Variants in APC observed in about 807,000 individuals in gnomAD.
APC encodes adenomatous polyposis coli protein.
Under a neutral mutation model 247.0 loss-of-function variants are expected in APC, and 72 were observed. The ratio of observed to expected loss-of-function variants is 0.29; its 90% CI spans 0.24 to 0.35. APC has a LOEUF of 0.35. Among genes scored for constraint, APC ranks in the 10% least tolerant of loss-of-function variants. The probability of loss-of-function intolerance (pLI) is 1.00; values close to 1 mark genes in which losing one functional copy is unlikely to be tolerated. For missense variants in APC, 3,400 were observed against 3,360.7 expected, an observed-to-expected ratio of 1.01 and a Z score of -0.29; for synonymous variants, 1,254 against 1,162.5, an observed-to-expected ratio of 1.08 and a Z score of -1.60.
chr5:112,784,136 C>T (rs570908044), intron 6 of APC, among the ~76,000 whole-genome samples: 3 of 152,214 alleles, frequency 2.0e-5, no homozygotes, highest in African/African-American at 7.2e-5. Context: ...GGTTTGATTT[C>T]GCCTTACTGC....
intron 14 of APC, among the ~76,000 whole-genome samples, chr5:112,833,512 T>C (rs764563700): frequency 2.6e-5 from 4 of 151,992 alleles, no homozygotes; most frequent in Non-Finnish European, 2.9e-5. Context: ...TTTGTAGAGA[T>C]TGGGTATTGC....
chr5:112,799,414 T>G (rs1408646911), intron 7 of APC, among the ~76,000 whole-genome samples: 5 of 151,924 alleles, frequency 3.3e-5, no homozygotes, highest in Non-Finnish European at 7.4e-5. Flanking sequence ...CCACTCCCCA[T>G]ATCCTGTCAG....
rs1257395642 is a variant in APC, at chr5:112,766,860, T to C, written c.221-329T>C. Reference sequence around the variant, plus strand: ...TTTTAAAAGGATATCTTTCTCATTCTGTTGCTTGAAAATTCCAGTGTCAGA... The same window carrying C: ...TTTTAAAAGGATATCTTTCTCATTCCGTTGCTTGAAAATTCCAGTGTCAGA... On this transcript the variant is annotated intron_variant, in intron 3 of 15. Transcript: ENST00000257430. Among the ~76,000 whole-genome samples the C allele has an allele frequency of 2.0e-5, 3 of 152,358 alleles. No individual in the cohort carries two copies. The Middle Eastern group carries it at 0.01, about 518-fold the overall frequency.
intron 1 of APC, among the ~76,000 whole-genome samples, chr5:112,739,387 T>C (rs573030186): frequency 3.9e-5 from 6 of 152,358 alleles, no homozygotes; most frequent in African/African-American, 1.4e-4. Flanking sequence ...ATAATGTTTA[T>C]GTAATAGAAA....
Position 112,788,509 on chromosome 5 carries a change from A to C in APC, c.646-3937A>C, listed in dbSNP as rs183645704. ...GTTTTCTTGTCAGTACAATACAGAT[A>C]GTGATAAACTGTAAAATGTGAGGAT... On this transcript the variant is annotated intron_variant, in intron 6 of 15. Coordinates refer to ENST00000257430, the MANE Select transcript of APC (RefSeq NM_000038.6). Among the ~76,000 whole-genome samples, 3 of 152,286 alleles carry C rather than the reference A, an allele frequency of 2.0e-5. No individual in the cohort carries two copies. The East Asian group carries it at 5.8e-4, about 29-fold the overall frequency.
At chr5:112,765,087 T>TGG (rs567633507) in intron 2 of APC, among the ~76,000 whole-genome samples, 1 of 152,106 alleles carries the variant, frequency 6.6e-6, no homozygotes, top group South Asian at 2.1e-4. Context: ...AAAGGAATTC[T>TGG]GGGGTTTGGG....
chr5:112,833,838 T>C (rs1264932320), intron 14 of APC, among the ~76,000 whole-genome samples: 2 of 152,252 alleles, frequency 1.3e-5, no homozygotes, highest in South Asian at 2.1e-4. Context: ...TTGTATATAA[T>C]GCTTTTTATA....
rs1249303627 is a variant in APC, at chr5:112,842,665, G to T, written c.7071G>T (p.Lys2357Asn). 4 of 1,613,582 alleles carry T rather than the reference G, an allele frequency of 2.5e-6. No homozygotes were observed. The highest frequency in any genetic ancestry group is 3.4e-6 in the Non-Finnish European group (4 of 1,179,724). Residue 2357 changes from lysine to asparagine, a missense_variant, in exon 16 of 16, where the codon AAG becomes AAT. Physicochemically the swap from Lys to Asn is moderately conservative, Grantham distance 94. Coordinates refer to ENST00000257430, the MANE Select transcript of APC (RefSeq NM_000038.6). ...CATCCCCTAGTACTGCTTCAACTAA[G>T]TCCTCAGGTTCTGGAAAAATGTCAT... ...RTSSPSTAST[K>N]SSGSGKMSYT...
At chr5:112,756,395 G>A (rs921309554) in intron 2 of APC, among the ~76,000 whole-genome samples, 1 of 152,198 alleles carries the variant, frequency 6.6e-6, no homozygotes, top group African/African-American at 2.4e-5. Context: ...AACTATGGGT[G>A]ACCTAAAAAG....
At chr5:112,779,468 CATT>C (rs1319495171) in intron 5 of APC, among the ~76,000 whole-genome samples, 4 of 152,264 alleles carry the variant, frequency 2.6e-5, no homozygotes, top group East Asian at 3.9e-4. Flanking sequence ...ATATATAAGA[CATT>C]ATCAGGCACC....
At chr5:112,811,741 G>A (rs373365572) in intron 8 of APC, among the ~76,000 whole-genome samples, 36 of 152,328 alleles carry the variant, frequency 2.4e-4, no homozygotes, top group African/African-American at 7.0e-4. Flanking sequence ...TTTGTTTCAA[G>A]TAGTACATTA....
chr5:112,760,521 A>G (rs1206646854), intron 2 of APC, among the ~76,000 whole-genome samples: 1 of 152,220 alleles, frequency 6.6e-6, no homozygotes, highest in East Asian at 1.9e-4. Context: ...CTAGAGAGTT[A>G]AGTGCTACCA....
Position 112,741,934 on chromosome 5 carries a change from A to G in APC, c.-19+4009A>G, listed in dbSNP as rs535554588. Among the ~76,000 whole-genome samples the G allele has an allele frequency of 1.7e-4, 26 of 152,308 alleles. 1 individual carries two copies. In the Middle Eastern group the frequency reaches 0.014, roughly 80 times the overall value. ...CATAATGTCTCGAAGGTTCATCCAT[A>G]CTGTAGCCATGTGTCAGAATTTCTT... On this transcript the variant is annotated intron_variant, in intron 1 of 15. Coordinates refer to ENST00000257430, the MANE Select transcript of APC (RefSeq NM_000038.6).
intron 1 of APC, among the ~76,000 whole-genome samples, chr5:112,709,684 A>T (rs1750737589): frequency 6.6e-6 from 1 of 152,128 alleles, no homozygotes; most frequent in African/African-American, 2.4e-5. Flanking sequence ...CATGGATCGC[A>T]TGAGTCCAGG....
rs376876829 is a variant in APC at position 112,723,497 on chromosome 5, G to A, written c.165+15615G>A. Among the ~76,000 whole-genome samples, 9 of 152,154 alleles carry A rather than the reference G, an allele frequency of 5.9e-5. No individual in the cohort carries two copies. The East Asian group carries it at 1.4e-3, about 23-fold the overall frequency. Reference sequence around the variant, plus strand: ...AGAAAAAGATCCAGGAGCTGTGGATGAAAACATATATATATGTATTTCACA... The same window carrying A: ...AGAAAAAGATCCAGGAGCTGTGGATAAAAACATATATATATGTATTTCACA... On this transcript the variant is annotated intron_variant, in intron 1 of 13. Transcript: ENST00000507379.
intron 1 of APC, among the ~76,000 whole-genome samples, chr5:112,752,175 C>T (rs1754461367): frequency 6.6e-6 from 1 of 151,970 alleles, no homozygotes; most frequent in South Asian, 2.1e-4. Flanking sequence ...TTTTGCTTTC[C>T]TGCCTTCTTA....
chr5:112,812,877 A>G (rs1298257407), intron 8 of APC, among the ~76,000 whole-genome samples: 2 of 152,226 alleles, frequency 1.3e-5, no homozygotes, highest in Non-Finnish European at 1.5e-5. Flanking sequence ...GAAGCAGTCA[A>G]TAGCTGGTGG....
At chr5:112,776,208 C>T (rs1291180963) in intron 5 of APC, among the ~76,000 whole-genome samples, 3 of 152,150 alleles carry the variant, frequency 2.0e-5, no homozygotes, top group Admixed American at 2.0e-4. Flanking sequence ...AGCACTAAAG[C>T]TGGTTTGTTT....
At chr5:112,748,815 T>C (rs1287773339) in intron 1 of APC, among the ~76,000 whole-genome samples, 2 of 151,856 alleles carry the variant, frequency 1.3e-5, no homozygotes, top group Non-Finnish European at 2.9e-5. Context: ...TCCATCTATT[T>C]AAAAAACAAA....
Sources: allele counts gnomAD v4.1 joint callset (sites outside exome capture counted in the v4.1 genomes callset), GRCh38; gene constraint gnomAD v4.1.1; transcripts MANE v1.5; gene names NCBI Gene and HGNC (gene_info 2026-07-23, HGNC 2026-07-21).